Variants in FCHSD2 observed in about 807,000 individuals in gnomAD.
FCHSD2 encodes the protein FCH and double SH3 domains 2.
Under a neutral mutation model 108.1 loss-of-function variants are expected in FCHSD2, and 38 were observed. The ratio of observed to expected loss-of-function variants is 0.35; its 90% CI spans 0.27 to 0.46. The LOEUF (loss-of-function observed/expected upper bound fraction) is 0.46, where lower values mean the gene tolerates loss of function less well. Ranked by LOEUF, FCHSD2 falls within the 20% of genes least tolerant of loss-of-function variation. The pLI is 1.00. For missense variants in FCHSD2, 751 were observed against 897.8 expected, an observed-to-expected ratio of 0.84 and a Z score of 2.09; for synonymous variants, 279 against 314.7, an observed-to-expected ratio of 0.89 and a Z score of 1.20.
chr11:72,984,207 G>T lies in FCHSD2; in HGVS notation c.586C>A (p.Arg196=), dbSNP rs1398736297. Residue 196 remains arginine, a synonymous_variant, in exon 8 of 20, where the codon CGG becomes AGG. Coordinates refer to ENST00000409418, the MANE Select transcript of FCHSD2 (RefSeq NM_014824.3). ...GCTTTGGAATTACACTCAGATCGCCGGGCTTTTAACTAAAACATAGCAAAA... is the reference window on the plus strand; with the variant it reads ...GCTTTGGAATTACACTCAGATCGCCTGGCTTTTAACTAAAACATAGCAAAA... ...LQKASVKLKA[R]RSECNSKATH... is the part of the protein sequence containing the mutation. 1.2e-6 allele frequency: 2 copies of T among 1,613,636 alleles called. No individual in the cohort carries two copies. Among genetic ancestry groups the T allele is most frequent in the African/African-American group, 2.7e-5 (2 of 74,906 alleles).
chr11:72,853,458 A>G (rs1034358398), intron 13 of FCHSD2, among the ~76,000 whole-genome samples: 7 of 152,218 alleles, frequency 4.6e-5, no homozygotes, highest in African/African-American at 9.6e-5. Context: ...TCTGTTGCCC[A>G]GGCTGGAGTG....
At chr11:73,068,511 A>G (rs1859350307) in intron 3 of FCHSD2, among the ~76,000 whole-genome samples, 1 of 152,210 alleles carries the variant, frequency 6.6e-6, no homozygotes, top group African/African-American at 2.4e-5. Context: ...AAGTTAAAAA[A>G]AAGTTGAGAA....
chr11:73,137,122 C>A (rs1302347880), intron 2 of FCHSD2, among the ~76,000 whole-genome samples: 1 of 152,156 alleles, frequency 6.6e-6, no homozygotes, highest in African/African-American at 2.4e-5. Context: ...AGCCAGATCA[C>A]CTCCTTCCTC....
intron 2 of FCHSD2, among the ~76,000 whole-genome samples, chr11:73,105,253 T>C (rs1311288390): frequency 1.3e-5 from 2 of 152,140 alleles, no homozygotes; most frequent in Admixed American, 6.5e-5. Context: ...TCCACAATAA[T>C]GTGCTATAAA....
chr11:73,107,826 G>T (rs929998578), intron 2 of FCHSD2, among the ~76,000 whole-genome samples: 8 of 152,086 alleles, frequency 5.3e-5, no homozygotes, highest in African/African-American at 1.9e-4. Context: ...TATGTACCAT[G>T]TTTTCTTTAT....
At chr11:73,076,181 A>C (rs1163225972) in intron 3 of FCHSD2, among the ~76,000 whole-genome samples, 3 of 152,188 alleles carry the variant, frequency 2.0e-5, no homozygotes, top group African/African-American at 7.2e-5. Context: ...TTCTACTCTT[A>C]GTACATACCC....
intron 5 of FCHSD2, among the ~76,000 whole-genome samples, chr11:72,999,210 G>A (rs72982843): frequency 0.022 from 3,366 of 151,512 alleles, 116 homozygotes; most frequent in African/African-American, 0.077. Context: ...TACCCAATAT[G>A]TACTGAATAT....
intron 13 of FCHSD2, among the ~76,000 whole-genome samples, chr11:72,860,054 T>C (rs1861529174): frequency 1.3e-5 from 2 of 152,284 alleles, no homozygotes; most frequent in Admixed American, 1.3e-4. Context: ...TAGATTCTCA[T>C]AAGGAGGGTC....
Position 72,921,962 on chromosome 11 carries a change from G to A in FCHSD2, c.706-12C>T, listed in dbSNP as rs1444459934. 15 of 1,563,104 alleles carry A rather than the reference G, an allele frequency of 9.6e-6. No individual in the cohort carries two copies. The highest frequency in any genetic ancestry group is 1.4e-5 in the African/African-American group (1 of 73,784). ...TTTCCATCAAGAGCCTGTAATAGAG[G>A]AGTAAATAAAAGAAAAAAAATTACA... On this transcript the variant is annotated splice_polypyrimidine_tract_variant and intron_variant, in intron 8 of 19. Transcript: ENST00000409418.
At chr11:72,928,726 TTTA>T (rs1419417675) in intron 8 of FCHSD2, among the ~76,000 whole-genome samples, 11 of 152,090 alleles carry the variant, frequency 7.2e-5, no homozygotes. Flanking sequence ...TTTTTTTTAT[TTTA>T]TTATTATTAT....
At chr11:72,975,680 T>C (rs1857091498) in intron 8 of FCHSD2, among the ~76,000 whole-genome samples, 1 of 152,162 alleles carries the variant, frequency 6.6e-6, no homozygotes, top group African/African-American at 2.4e-5. Flanking sequence ...TATATTAATG[T>C]TTTTCTCTTC....
intron 8 of FCHSD2, among the ~76,000 whole-genome samples, chr11:72,954,877 T>C (rs938747515): frequency 2.0e-5 from 3 of 151,540 alleles, no homozygotes; most frequent in African/African-American, 4.9e-5. Context: ...TCTATACATA[T>C]ACACACACAC....
At chr11:72,913,084 C>T (rs758914678) in intron 9 of FCHSD2, among the ~76,000 whole-genome samples, 17 of 152,082 alleles carry the variant, frequency 1.1e-4, no homozygotes, top group Non-Finnish European at 2.1e-4. Context: ...CACTTTTAAA[C>T]AACCAGATCT....
At chr11:73,054,677 T>C (rs1400262504) in intron 3 of FCHSD2, among the ~76,000 whole-genome samples, 2 of 151,506 alleles carry the variant, frequency 1.3e-5, no homozygotes, top group African/African-American at 4.9e-5. Context: ...CCTTTTCCTG[T>C]TATAATTTTT....
At chr11:73,077,677 A>G (rs1414383829) in intron 3 of FCHSD2, 1 of 405,572 alleles carries the variant, frequency 2.5e-6, no homozygotes, top group Non-Finnish European at 4.8e-6. Context: ...AATACTACAC[A>G]GCAATAAAAA....
chr11:73,015,668 G>T (rs542957383), intron 4 of FCHSD2, 141 bp downstream of exon 4: 11 of 502,158 alleles, frequency 2.2e-5, no homozygotes, highest in African/African-American at 1.8e-4. Flanking sequence ...TTAAAATTTT[G>T]ATAATTTTGA....
chr11:72,923,849 G>A (rs1046417133), intron 8 of FCHSD2, among the ~76,000 whole-genome samples: 2 of 152,196 alleles, frequency 1.3e-5, no homozygotes, highest in Non-Finnish European at 2.9e-5. Flanking sequence ...TGAGGCAGGA[G>A]AACTGCTTGT....
intron 5 of FCHSD2, among the ~76,000 whole-genome samples, chr11:72,991,131 C>T (rs1190286266): frequency 2.0e-5 from 3 of 152,104 alleles, no homozygotes; most frequent in Non-Finnish European, 4.4e-5. Flanking sequence ...ATAAATTCCT[C>T]GACACATACA....
At chr11:72,993,951 T>C (rs1311726307) in intron 5 of FCHSD2, among the ~76,000 whole-genome samples, 1 of 152,134 alleles carries the variant, frequency 6.6e-6, no homozygotes, top group Non-Finnish European at 1.5e-5. Flanking sequence ...AAGCCAGGCT[T>C]TGGGCTTCTG....
Sources: allele counts gnomAD v4.1 joint callset (sites outside exome capture counted in the v4.1 genomes callset), GRCh38; gene constraint gnomAD v4.1.1; transcripts MANE v1.5; gene names NCBI Gene and HGNC (gene_info 2026-07-23, HGNC 2026-07-21).